Variants in HHIP observed in about 807,000 individuals in gnomAD.
HHIP encodes hedgehog interacting protein.
Under a neutral mutation model 74.0 loss-of-function variants are expected in HHIP, and 12 were observed. The ratio of observed to expected loss-of-function variants is 0.16; its 90% CI spans 0.10 to 0.26. The LOEUF (loss-of-function observed/expected upper bound fraction) is 0.26, where lower values mean the gene tolerates loss of function less well. HHIP is among the 10% of genes least tolerant of loss of function. The pLI is 1.00. For synonymous variants in HHIP, 309 were observed against 311.6 expected (o/e 0.99, Z 0.09); for missense variants, 788 against 845.0 (o/e 0.93, Z 0.84).
intron 4 of HHIP, among the ~76,000 whole-genome samples, chr4:144,663,126 A>G (rs1463426144): frequency 2.0e-5 from 3 of 152,060 alleles, no homozygotes; most frequent in East Asian, 3.9e-4. Flanking sequence ...TCTCTAATAA[A>G]ATTACAAAAA....
At chr4:144,704,855 A>G (rs1415724693) in intron 4 of HHIP, among the ~76,000 whole-genome samples, 2 of 152,202 alleles carry the variant, frequency 1.3e-5, no homozygotes, top group Admixed American at 1.3e-4. Flanking sequence ...TACATATCCT[A>G]GCTTCCAGTG....
chr4:144,732,558 A>T (rs532974645), intron 11 of HHIP, among the ~76,000 whole-genome samples: 6 of 152,216 alleles, frequency 3.9e-5, no homozygotes, highest in Non-Finnish European at 5.9e-5. Context: ...ATAGCCCTTC[A>T]GTATCAGATT....
chr4:144,647,438 G>A (rs1233250272), intron 1 of HHIP, among the ~76,000 whole-genome samples: 1 of 152,182 alleles, frequency 6.6e-6, no homozygotes, highest in Non-Finnish European at 1.5e-5. Flanking sequence ...CCCCAGCCCC[G>A]TCAGAGGGGG....
chr4:144,653,409 G>A (rs1419481868), intron 2 of HHIP, among the ~76,000 whole-genome samples: 1 of 152,074 alleles, frequency 6.6e-6, no homozygotes, highest in Non-Finnish European at 1.5e-5. Context: ...ACAATGAGAA[G>A]GTGATAGGAG....
At chr4:144,659,138 C>T (rs1355601) in intron 3 of HHIP, among the ~76,000 whole-genome samples, 192 bp downstream of exon 3, 2 of 151,924 alleles carry the variant, frequency 1.3e-5, no homozygotes, top group African/African-American at 4.8e-5. Flanking sequence ...GACTACTAAT[C>T]GTATATTATG....
intron 4 of HHIP, among the ~76,000 whole-genome samples, chr4:144,695,668 T>G (rs892437531): frequency 6.6e-6 from 1 of 151,928 alleles, no homozygotes; most frequent in Admixed American, 6.6e-5. Context: ...AGGATAAATT[T>G]TATATATTTT....
intron 4 of HHIP, among the ~76,000 whole-genome samples, chr4:144,698,042 C>T (rs1729870689): frequency 6.6e-6 from 1 of 152,140 alleles, no homozygotes; most frequent in East Asian, 1.9e-4. Context: ...TTGTCTGCAT[C>T]TGCTACCTTC....
rs182743918 is a variant in HHIP at position 144,744,922 on chromosome 4, G to A, written c.*6965G>A. ...AAAGTACATCTGTGTGTATCTGTAC[G>A]TGTGCACACACCCATGTATATATAT... On this transcript the variant is annotated 3_prime_UTR_variant, in exon 13 of 13. Transcript: ENST00000296575. 35 of 152,264 alleles carry A rather than the reference G, an allele frequency of 2.3e-4. No homozygotes were observed. The highest frequency in any genetic ancestry group is 8.2e-4 in the African/African-American group (34 of 41,548). The allele number at this position is 152,264 out of a possible 1,614,324, so 9.4% of individuals were successfully genotyped here. A position where few individuals can be genotyped will look rare whatever the true frequency, so the allele number is the denominator to read the frequency against.
At chr4:144,654,135 C>G (rs372619004) in intron 2 of HHIP, among the ~76,000 whole-genome samples, 2 of 152,044 alleles carry the variant, frequency 1.3e-5, no homozygotes, top group Non-Finnish European at 2.9e-5. Context: ...CTACAACATG[C>G]TAGATTTGGG....
At chr4:144,661,327 G>T (rs1578680961) in intron 4 of HHIP, 1 of 152,056 alleles carries the variant, frequency 6.6e-6, no homozygotes, top group Non-Finnish European at 1.5e-5. Context: ...TGCAGTACTT[G>T]GCCAAATTTA....
chr4:144,707,667 C>T (rs1177327345), intron 6 of HHIP, among the ~76,000 whole-genome samples: 4 of 13,624 alleles, frequency 2.9e-4, no homozygotes, highest in Admixed American at 1.6e-3. Context: ...AAGCAGTGTA[C>T]TACTGATGCC....
At chr4:144,681,684 A>G (rs1179380435) in intron 4 of HHIP, among the ~76,000 whole-genome samples, 1 of 152,088 alleles carries the variant, frequency 6.6e-6, no homozygotes, top group Non-Finnish European at 1.5e-5. Context: ...CGGCCTCCCA[A>G]CGTGCTGGGA....
chr4:144,728,148 G>T (rs184492126), intron 11 of HHIP, among the ~76,000 whole-genome samples: 77 of 152,320 alleles, frequency 5.1e-4, no homozygotes, highest in Non-Finnish European at 1.0e-3. Context: ...GCAGTAGACA[G>T]TCAAACCTGT....
chr4:144,728,526 T>A (rs914030237), intron 11 of HHIP, among the ~76,000 whole-genome samples: 1 of 152,204 alleles, frequency 6.6e-6, no homozygotes, highest in Non-Finnish European at 1.5e-5. Flanking sequence ...TTCAGAGTTA[T>A]CCTTGAATTC....
At chr4:144,709,508 G>A (rs1730231508) in intron 7 of HHIP, among the ~76,000 whole-genome samples, 1 of 152,196 alleles carries the variant, frequency 6.6e-6, no homozygotes, top group African/African-American at 2.4e-5. Flanking sequence ...AGATGCCTGT[G>A]CTGCGGAGCC....
In HHIP at chr4:144,667,425, G is replaced by A. The variant is rs563923243; in HGVS notation, c.831+7587G>A. ...GAAACTCATGATAGTGTTAGCATTC[G>A]CACCAAAATAATACGGCAGTCCCTT... On this transcript the variant is annotated intron_variant, in intron 4 of 12. Coordinates refer to ENST00000296575, the MANE Select transcript of HHIP (RefSeq NM_022475.3). Among the ~76,000 whole-genome samples the A allele has an allele frequency of 2.8e-4, 43 of 152,224 alleles. 1 individual carries two copies. In the South Asian group the frequency reaches 7.7e-3, roughly 27 times the overall value.
At chr4:144,705,300 T>A (rs1269793301) in intron 4 of HHIP, among the ~76,000 whole-genome samples, 1 of 152,186 alleles carries the variant, frequency 6.6e-6, no homozygotes, top group Non-Finnish European at 1.5e-5. Context: ...ACATATACTA[T>A]TGTGTGGGGG....
At chr4:144,689,382 G>A (rs892272971) in intron 4 of HHIP, among the ~76,000 whole-genome samples, 3 of 152,164 alleles carry the variant, frequency 2.0e-5, no homozygotes, top group African/African-American at 7.2e-5. Context: ...TAGACAAGTA[G>A]TTACAAAGAA....
chr4:144,724,927 G>C (rs996775967), intron 11 of HHIP, among the ~76,000 whole-genome samples: 40 of 151,802 alleles, frequency 2.6e-4, no homozygotes, highest in African/African-American at 7.0e-4. Flanking sequence ...CCATAAAATG[G>C]AGAATGTGAA....
Sources: gnomAD v4.1 joint callset for allele counts (sites outside exome capture counted in the v4.1 genomes callset) on GRCh38, gnomAD v4.1.1 for gene constraint, MANE v1.5 for transcripts, NCBI Gene and HGNC (gene_info 2026-07-23, HGNC 2026-07-21) for gene names.